Variants in UBE2D2 observed in about 807,000 individuals in gnomAD.
The protein encoded by UBE2D2 is ubiquitin conjugating enzyme E2 D2, also known as ubiquitin-conjugating enzyme E2 D2.
In UBE2D2, 2 loss-of-function variants were observed where a neutral mutation model predicts 24.2. That is an observed-to-expected ratio of 0.08 (90% CI 0.03 to 0.26). The LOEUF (loss-of-function observed/expected upper bound fraction) is 0.26, where lower values mean the gene tolerates loss of function less well. UBE2D2 is among the 10% of genes least tolerant of loss of function. The pLI is 1.00. For synonymous variants in UBE2D2, 58 were observed against 56.5 expected, an observed-to-expected ratio of 1.03 and a Z score of -0.12; for missense variants, 44 against 177.6, an observed-to-expected ratio of 0.25 and a Z score of 4.28.
Position 139,614,811 on chromosome 5 carries a change from TC to T in UBE2D2, c.198+38del, listed in dbSNP as rs769644233. On this transcript the variant is annotated intron_variant, in intron 4 of 6. Transcript: ENST00000398733. Reference sequence around the variant, plus strand: ...GAATGTGGCAGTTTTTAATGTACTTTCTATAATACTAATAAACTAGTTTACA... The same window carrying T: ...GAATGTGGCAGTTTTTAATGTACTTTTATAATACTAATAAACTAGTTTACA... 5.6e-6 allele frequency: 9 copies of T among 1,612,306 alleles called. No homozygotes were observed. In the South Asian group the frequency reaches 8.8e-5, roughly 16 times the overall value.
At chr5:139,603,905 C>T (rs987990704) in intron 2 of UBE2D2, among the ~76,000 whole-genome samples, 6 of 151,910 alleles carry the variant, frequency 3.9e-5, no homozygotes, top group African/African-American at 1.2e-4. Context: ...GCCGAGATCA[C>T]GCCATTGCAC....
chr5:139,605,347 C>G (rs896678388), intron 2 of UBE2D2, among the ~76,000 whole-genome samples: 1 of 152,016 alleles, frequency 6.6e-6, no homozygotes, highest in Non-Finnish European at 1.5e-5. Context: ...AATCCCAACA[C>G]TTTGGGAGGC....
At chr5:139,580,607 C>T (rs774946255) in intron 1 of UBE2D2, among the ~76,000 whole-genome samples, 6 of 152,134 alleles carry the variant, frequency 3.9e-5, no homozygotes, top group Non-Finnish European at 7.3e-5. Flanking sequence ...CCACCACACC[C>T]GGCTAATTTC....
chr5:139,556,901 C>T (rs1271442088), upstream of UBE2D2, among the ~76,000 whole-genome samples: 5 of 151,188 alleles, frequency 3.3e-5, no homozygotes, highest in Admixed American at 3.3e-4. Flanking sequence ...GTGGCGCAAT[C>T]TCGTCTCACT....
chr5:139,552,766 T>G (rs986368041), intron 1 of UBE2D2, among the ~76,000 whole-genome samples: 3 of 141,404 alleles, frequency 2.1e-5, no homozygotes, highest in African/African-American at 7.9e-5. Flanking sequence ...CACCGCAACC[T>G]CCACCTCCCA....
At chr5:139,536,255 A>T (rs1752680824) in intron 1 of UBE2D2, among the ~76,000 whole-genome samples, 1 of 151,872 alleles carries the variant, frequency 6.6e-6, no homozygotes, top group Non-Finnish European at 1.5e-5. Context: ...ATGTGCCACC[A>T]TGCCCAGCTA....
At chr5:139,615,828 GATT>G (rs1754409852) in intron 5 of UBE2D2, among the ~76,000 whole-genome samples, 1 of 134,166 alleles carries the variant, frequency 7.5e-6, no homozygotes, top group Non-Finnish European at 1.5e-5. Context: ...CAATAATCTA[GATT>G]TTTTTTTTTT....
chr5:139,626,889 T>C lies in UBE2D2; in HGVS notation c.*88T>C, dbSNP rs1341477485. On this transcript the variant is annotated 3_prime_UTR_variant, in exon 7 of 7. Coordinates refer to ENST00000398733, the MANE Select transcript of UBE2D2 (RefSeq NM_003339.3). ...TTTTGATTTCCATTTGACTGCTTTC[T>C]ATGAGCCCACGCCTCATCTTCCCCT... The C allele has an allele frequency of 8.7e-7, 1 of 1,152,946 alleles. No homozygotes were observed. Among genetic ancestry groups the C allele is most frequent in the East Asian group, 2.4e-5 (1 of 41,322 alleles). The allele number at this position is 1,152,946 out of a possible 1,614,324, so 71.4% of individuals were successfully genotyped here. A position where few individuals can be genotyped will look rare whatever the true frequency, so the allele number is the denominator to read the frequency against.
chr5:139,610,063 G>A (rs1051545160), intron 2 of UBE2D2, among the ~76,000 whole-genome samples: 5 of 151,974 alleles, frequency 3.3e-5, no homozygotes, highest in Admixed American at 6.6e-5. Flanking sequence ...GAGCCGCTGC[G>A]CCTGGCCTTA....
At chr5:139,538,043 T>C (rs187611319) in intron 1 of UBE2D2, among the ~76,000 whole-genome samples, 11 of 152,196 alleles carry the variant, frequency 7.2e-5, no homozygotes, top group Middle Eastern at 3.4e-3. Context: ...TGTTTGTTTG[T>C]TTTGTGGAGA....
At chr5:139,539,171 C>A (rs1752725069) in intron 1 of UBE2D2, among the ~76,000 whole-genome samples, 1 of 151,712 alleles carries the variant, frequency 6.6e-6, no homozygotes, top group Non-Finnish European at 1.5e-5. Context: ...ATTACAGGCG[C>A]CCACCACCAC....
At chr5:139,610,111 G>A (rs765865678) in intron 2 of UBE2D2, among the ~76,000 whole-genome samples, 1 of 151,874 alleles carries the variant, frequency 6.6e-6, no homozygotes, top group Non-Finnish European at 1.5e-5. Context: ...TATTTTAATA[G>A]CAAACTCAAA....
chr5:139,574,111 G>A (rs1187746521), intron 1 of UBE2D2, among the ~76,000 whole-genome samples: 9 of 142,008 alleles, frequency 6.3e-5, no homozygotes, highest in African/African-American at 2.1e-4. Context: ...ACGAAGTTTC[G>A]TTCTTGTTGC....
At chr5:139,568,422 G>A (rs532686732) in intron 1 of UBE2D2, among the ~76,000 whole-genome samples, 2 of 150,978 alleles carry the variant, frequency 1.3e-5, no homozygotes, top group East Asian at 3.9e-4. Context: ...CACTTTGGGA[G>A]GCCAAGACAG....
upstream of UBE2D2, among the ~76,000 whole-genome samples, chr5:139,559,362 C>G (rs1753022758): frequency 6.6e-6 from 1 of 151,230 alleles, no homozygotes; most frequent in South Asian, 2.1e-4. Flanking sequence ...GGGAGAAGAG[C>G]TTGCAGTGAG....
At chr5:139,589,716 G>A (rs1167262406) in intron 1 of UBE2D2, among the ~76,000 whole-genome samples, 4 of 152,132 alleles carry the variant, frequency 2.6e-5, no homozygotes, top group South Asian at 4.1e-4. Flanking sequence ...AAATTAAATA[G>A]CAAATCATTT....
intron 1 of UBE2D2, among the ~76,000 whole-genome samples, chr5:139,533,376 C>A (rs1033379588): frequency 6.6e-6 from 1 of 152,076 alleles, no homozygotes; most frequent in Non-Finnish European, 1.5e-5. Context: ...AGGGGCCGGG[C>A]GTGGTGGCTC....
chr5:139,596,581 C>T lies in UBE2D2; in HGVS notation c.25-3791C>T, dbSNP rs771997793. On this transcript the variant is annotated intron_variant, in intron 1 of 6. Transcript: ENST00000398733. ...TGCTGGGATTACAGGTGTGAGCTAC[C>T]GTGCCCAGCCCAAATGTACTTTTAA... 1.1e-4 allele frequency among the ~76,000 whole-genome samples: 17 copies of T among 151,772 alleles called. 1 individual carries two copies. Among genetic ancestry groups the T allele is most frequent in the Admixed American group, 2.0e-4 (3 of 15,246 alleles).
chr5:139,605,624 GAAAC>G (rs1754182085), intron 2 of UBE2D2, among the ~76,000 whole-genome samples: 1 of 138,792 alleles, frequency 7.2e-6, no homozygotes, highest in Non-Finnish European at 1.6e-5. Flanking sequence ...AGAAAAGAAA[GAAAC>G]AAATAAGCTG....
Sources: gnomAD v4.1 joint callset for allele counts (sites outside exome capture counted in the v4.1 genomes callset) on GRCh38, gnomAD v4.1.1 for gene constraint, MANE v1.5 for transcripts, NCBI Gene and HGNC (gene_info 2026-07-23, HGNC 2026-07-21) for gene names.